CNTNAP2: variants seen among roughly 807,000 people sequenced by gnomAD.
CNTNAP2 encodes contactin associated protein 2.
In CNTNAP2, 98 loss-of-function variants were observed where a neutral mutation model predicts 155.2. That is an observed-to-expected ratio of 0.63 (90% CI 0.54 to 0.75). The LOEUF (loss-of-function observed/expected upper bound fraction) is 0.75, where lower values mean the gene tolerates loss of function less well. Ranked by LOEUF, CNTNAP2 falls within the 30% of genes least tolerant of loss-of-function variation. CNTNAP2 has a pLI of 0.00. For missense variants in CNTNAP2, 1,727 were observed against 1,688.1 expected (o/e 1.02, Z -0.40); for synonymous variants, 651 against 631.2 (o/e 1.03, Z -0.47).
intron 22 of CNTNAP2, among the ~76,000 whole-genome samples, chr7:148,395,295 C>T (rs547261669): frequency 6.6e-6 from 1 of 151,214 alleles, no homozygotes; most frequent in African/African-American, 2.4e-5. Flanking sequence ...CTCTTATTTT[C>T]CTTCTTGGTG....
intron 1 of CNTNAP2, among the ~76,000 whole-genome samples, chr7:146,390,407 G>A (rs917152630): frequency 6.6e-5 from 10 of 151,886 alleles, no homozygotes; most frequent in African/African-American, 2.4e-4. Flanking sequence ...ACCCATTGAC[G>A]ACTGCAAAGT....
chr7:147,674,517 A>G (rs1257623110), intron 13 of CNTNAP2, among the ~76,000 whole-genome samples: 1 of 152,194 alleles, frequency 6.6e-6, no homozygotes, highest in East Asian at 1.9e-4. Flanking sequence ...AAATGAGCGT[A>G]TAAAAATACA....
intron 12 of CNTNAP2, among the ~76,000 whole-genome samples, chr7:147,627,559 G>A (rs939055407): frequency 6.6e-6 from 1 of 151,924 alleles, no homozygotes; most frequent in Admixed American, 6.6e-5. Flanking sequence ...TTGGTGTGTG[G>A]TGGGCACCTG....
intron 13 of CNTNAP2, among the ~76,000 whole-genome samples, chr7:147,727,358 C>G (rs1796662818): frequency 1.3e-5 from 2 of 151,944 alleles, no homozygotes; most frequent in Non-Finnish European, 2.9e-5. Flanking sequence ...AGATTCTAAC[C>G]TGCTTTCTCT....
intron 8 of CNTNAP2, among the ~76,000 whole-genome samples, chr7:147,230,331 C>A (rs1803650355): frequency 6.6e-6 from 1 of 152,102 alleles, no homozygotes; most frequent in East Asian, 1.9e-4. Flanking sequence ...GATCTCAGCT[C>A]ACTGCAACCT....
At chr7:147,789,143 G>C (rs1797782350) in intron 13 of CNTNAP2, among the ~76,000 whole-genome samples, 1 of 151,946 alleles carries the variant, frequency 6.6e-6, no homozygotes, top group Non-Finnish European at 1.5e-5. Context: ...CTGACCTCAA[G>C]TGATCTGCCC....
chr7:146,773,000 A>G (rs1802323596), intron 1 of CNTNAP2, among the ~76,000 whole-genome samples: 1 of 152,164 alleles, frequency 6.6e-6, no homozygotes, highest in African/African-American at 2.4e-5. Context: ...TATGTGCCCT[A>G]TCTGTAGCTA....
intron 1 of CNTNAP2, among the ~76,000 whole-genome samples, chr7:146,221,348 G>A (rs114427175): frequency 0.03 from 4,576 of 151,814 alleles, 230 homozygotes; most frequent in African/African-American, 0.11. Flanking sequence ...AAGGATATAC[G>A]TATAAATATA....
At chr7:147,877,206 G>T (rs1799437472) in intron 13 of CNTNAP2, among the ~76,000 whole-genome samples, 2 of 152,150 alleles carry the variant, frequency 1.3e-5, no homozygotes, top group Non-Finnish European at 2.9e-5. Context: ...CTATGGAATT[G>T]TATTATGTTC....
intron 8 of CNTNAP2, among the ~76,000 whole-genome samples, chr7:147,196,274 A>G (rs1205779057): frequency 6.6e-6 from 1 of 152,228 alleles, no homozygotes; most frequent in African/African-American, 2.4e-5. Flanking sequence ...CTGAAATTTC[A>G]TATTTTCATT....
At chr7:146,679,277 T>C (rs1269603326) in intron 1 of CNTNAP2, among the ~76,000 whole-genome samples, 2 of 152,058 alleles carry the variant, frequency 1.3e-5, no homozygotes, top group East Asian at 1.9e-4. Flanking sequence ...TTTTCTGTTC[T>C]TGTATTAGTT....
At chr7:147,602,073 G>A (rs2116861849) in intron 12 of CNTNAP2, among the ~76,000 whole-genome samples, 1 of 152,098 alleles carries the variant, frequency 6.6e-6, no homozygotes, top group South Asian at 2.1e-4. Flanking sequence ...AGGTCCAAAT[G>A]TCTACTTGTC....
chr7:147,000,701 G>C (rs2129240864), intron 3 of CNTNAP2, among the ~76,000 whole-genome samples: 1 of 152,188 alleles, frequency 6.6e-6, no homozygotes, highest in Middle Eastern at 3.4e-3. Flanking sequence ...CACAATGCAG[G>C]GCTAAAAGTC....
intron 8 of CNTNAP2, among the ~76,000 whole-genome samples, chr7:147,163,610 A>T (rs1194406422): frequency 2.0e-5 from 3 of 148,750 alleles, no homozygotes; most frequent in African/African-American, 7.5e-5. Context: ...CAATTTTTAT[A>T]TGGCTATCTT....
At chr7:147,032,579 T>C (rs928481407) in intron 3 of CNTNAP2, among the ~76,000 whole-genome samples, 2 of 152,178 alleles carry the variant, frequency 1.3e-5, no homozygotes, top group Non-Finnish European at 2.9e-5. Context: ...TGTCCTTTTC[T>C]TTCTATACTG....
At chr7:147,218,836 C>T (rs1803331495) in intron 8 of CNTNAP2, among the ~76,000 whole-genome samples, 1 of 152,184 alleles carries the variant, frequency 6.6e-6, no homozygotes, top group South Asian at 2.1e-4. Context: ...AAGTCTCCAA[C>T]TATAATGGTG....
At chr7:146,398,476 C>G (rs1192161321) in intron 1 of CNTNAP2, among the ~76,000 whole-genome samples, 1 of 152,050 alleles carries the variant, frequency 6.6e-6, no homozygotes, top group African/African-American at 2.4e-5. Flanking sequence ...CCCACTGGGT[C>G]CCTCCCACAA....
chr7:147,340,408 A>T (rs1295838753), intron 9 of CNTNAP2, among the ~76,000 whole-genome samples: 1 of 152,028 alleles, frequency 6.6e-6, no homozygotes, highest in African/African-American at 2.4e-5. Flanking sequence ...TCTATAGATG[A>T]TTTTCTGTGC....
intron 1 of CNTNAP2, among the ~76,000 whole-genome samples, chr7:146,582,063 A>G (rs1798620008): frequency 6.6e-6 from 1 of 152,168 alleles, no homozygotes; most frequent in African/African-American, 2.4e-5. Flanking sequence ...TTCCCTCTAA[A>G]GAAGCCCTTT....
Sources: gnomAD v4.1 joint callset for allele counts (sites outside exome capture counted in the v4.1 genomes callset) on GRCh38, gnomAD v4.1.1 for gene constraint, MANE v1.5 for transcripts, NCBI Gene and HGNC (gene_info 2026-07-23, HGNC 2026-07-21) for gene names.